GNAI2: variants seen among roughly 807,000 people sequenced by gnomAD.
GNAI2 encodes the protein guanine nucleotide-binding protein G(i) subunit alpha-2.
Under a neutral mutation model 36.8 loss-of-function variants are expected in GNAI2, and 4 were observed. That is an observed-to-expected ratio of 0.11 (90% CI 0.05 to 0.25). GNAI2 has a LOEUF of 0.25. GNAI2 is among the 10% of genes least tolerant of loss of function. GNAI2 has a pLI of 1.00. For synonymous variants in GNAI2, 194 were observed against 194.1 expected (o/e 1.00, Z 0.01); for missense variants, 230 against 481.3 (o/e 0.48, Z 4.89).
upstream of GNAI2, chr3:50,227,197 A>T: frequency 6.3e-6 from 9 of 1,421,886 alleles, no homozygotes; most frequent in Non-Finnish European, 8.3e-6. The surrounding 1 kb of genome is among the most constrained non-coding windows in gnomAD (Gnocchi z 5.9). Context: ...TCTGAGGGTA[A>T]GCCGATGGCG....
rs1269366926 is a variant in GNAI2, at chr3:50,230,777, C to T, written c.-260C>T. The T allele has an allele frequency of 4.1e-6, 4 of 983,332 alleles. No homozygotes were observed. In the African/African-American group the frequency reaches 5.2e-5, roughly 13 times the overall value. 60.9% of individuals were successfully genotyped at this position (983,332 alleles called of 1,614,324 possible). A position where few individuals can be genotyped will look rare whatever the true frequency, so the allele number is the denominator to read the frequency against. ...ATTGTCCTTTATGGTCTAGTCCAAG[C>T]GGTGCTGGGCCTGGTGGGCATGGGG... is the stretch of plus-strand genomic sequence containing the variant. On this transcript the variant is annotated 5_prime_UTR_variant, in exon 1 of 9. Transcript: ENST00000266027.
In GNAI2 at chr3:50,252,515, G is replaced by A. The variant is rs183955200; in HGVS notation, c.280G>A (p.Asp94Asn). The change falls in exon 3 of 9, where the codon GAC (aspartate) becomes AAC (asparagine). Residue 94 changes from aspartate (D) to asparagine (N), a missense_variant. By Grantham distance (23) the Asp-to-Asn change is conservative. Transcript: ENST00000313601. The surrounding 1 kb of genome is among the most constrained non-coding windows in gnomAD (Gnocchi z 4.1). ...CAAAGCCATGGGCAACCTGCAGATC[G>A]ACTTTGCCGACCCCTCCAGAGCGGT... ...IVKAMGNLQIDFADPSRADDA... is the reference protein window; with the variant it reads ...IVKAMGNLQINFADPSRADDA... 359 of 1,613,460 alleles carry A rather than the reference G, an allele frequency of 2.2e-4. No individual in the cohort carries two copies. Among genetic ancestry groups the A allele is most frequent in the Middle Eastern group, 3.3e-4 (2 of 6,056 alleles).
rs1559777396 is a variant in GNAI2, at chr3:50,256,860, G to T, written c.723+8G>T. The T allele has an allele frequency of 6.2e-7, 1 of 1,614,124 alleles. No homozygotes were observed. The highest frequency in any genetic ancestry group is 1.3e-5 in the African/African-American group (1 of 75,042). On this transcript the variant is annotated splice_region_variant and intron_variant, in intron 6 of 8. Coordinates refer to ENST00000313601, the MANE Select transcript of GNAI2 (RefSeq NM_002070.4). Reference sequence around the variant, plus strand: ...GCTGAGGACGAGGAGATGGTGAGAGGATGAGAGAATGCTGCGGGTGGGGGC... The same window carrying T: ...GCTGAGGACGAGGAGATGGTGAGAGTATGAGAGAATGCTGCGGGTGGGGGC...
At chr3:50,250,054 G>T (rs1463727384) in intron 1 of GNAI2, among the ~76,000 whole-genome samples, 4 of 152,192 alleles carry the variant, frequency 2.6e-5, no homozygotes, top group Non-Finnish European at 5.9e-5. Flanking sequence ...CGGTGGGCAA[G>T]TGTGCTCCCT....
chr3:50,248,666 C>CA, intron 1 of GNAI2, among the ~76,000 whole-genome samples: 1 of 152,274 alleles, frequency 6.6e-6, no homozygotes, highest in African/African-American at 2.4e-5. Context: ...GCTGGAAAGA[C>CA]AAAGAGACCA....
chr3:50,227,353 C>A, upstream of GNAI2: 1 of 408,992 alleles, frequency 2.4e-6, no homozygotes. The surrounding 1 kb of genome is among the most constrained non-coding windows in gnomAD (Gnocchi z 5.9). Flanking sequence ...GGCAGGTCGG[C>A]GGAGGCGGGG....
intron 1 of GNAI2, chr3:50,251,386 C>G (rs1559772937): frequency 9.9e-7 from 1 of 1,012,612 alleles, no homozygotes. Flanking sequence ...CAGGGCTGTA[C>G]CAGGCCAGGG....
At chr3:50,229,840 G>A (rs1274917792), upstream of GNAI2, 1 of 152,356 alleles carries the variant, frequency 6.6e-6, no homozygotes, top group African/African-American at 2.4e-5. Flanking sequence ...TGTTTGTTTG[G>A]TGTGTGTTCC....
At chr3:50,246,871 A>C in intron 1 of GNAI2, 1 of 1,429,364 alleles carries the variant, frequency 7.0e-7, no homozygotes, top group Non-Finnish European at 9.1e-7. Context: ...GTGACGACAC[A>C]GCGGAAAGCC....
intron 4 of GNAI2, among the ~76,000 whole-genome samples, chr3:50,254,754 T>C (rs782576951): frequency 1.3e-5 from 2 of 152,236 alleles, no homozygotes; most frequent in Non-Finnish European, 2.9e-5. Context: ...TCTTTCTCTA[T>C]TCTCCAGACA....
rs1394161950 is a variant in GNAI2 at position 50,253,540 on chromosome 3, C to G, written c.464+356C>G. ...CAGGCGGGTCGTGAGATCAGGAGAT[C>G]GAGACCATCCTGGCTAACACGGTGA... On this transcript the variant is annotated intron_variant, in intron 4 of 8. Transcript: ENST00000313601. This position sits in a 1 kb window ranked among gnomAD's most constrained non-coding sequence, Gnocchi z 4.2. Among the ~76,000 whole-genome samples the G allele has an allele frequency of 4.6e-5, 7 of 152,080 alleles. No homozygotes were observed. Among genetic ancestry groups the G allele is most frequent in the East Asian group, 1.9e-4 (1 of 5,172 alleles).
upstream of GNAI2, among the ~76,000 whole-genome samples, chr3:50,232,588 A>C (rs1324520034): frequency 2.6e-5 from 4 of 152,242 alleles, no homozygotes; most frequent in African/African-American, 9.6e-5. Context: ...GCCAGCCTAC[A>C]GCCTCCAACT....
Position 50,253,605 on chromosome 3 carries a change from G to T in GNAI2, c.464+421G>T, listed in dbSNP as rs190695686. ...TAAAAATACAAAAAATTAGCCGGGC[G>T]TGGTGGAGGGCGCCTGTAGTCCCAG... On this transcript the variant is annotated intron_variant, in intron 4 of 8. Coordinates refer to ENST00000313601, the MANE Select transcript of GNAI2 (RefSeq NM_002070.4). This position sits in a 1 kb window ranked among gnomAD's most constrained non-coding sequence, Gnocchi z 4.2. Among the ~76,000 whole-genome samples, 1 of 152,168 alleles carries T rather than the reference G, an allele frequency of 6.6e-6. No individual in the cohort carries two copies. Among genetic ancestry groups the T allele is most frequent in the Non-Finnish European group, 1.5e-5 (1 of 68,018 alleles).
chr3:50,250,563 A>G (rs1032739857), intron 1 of GNAI2, among the ~76,000 whole-genome samples: 4 of 152,196 alleles, frequency 2.6e-5, no homozygotes, highest in African/African-American at 4.8e-5. Flanking sequence ...GTGATGGAGC[A>G]GGAGCACAGG....
chr3:50,247,212 C>G, intron 1 of GNAI2: 1 of 623,124 alleles, frequency 1.6e-6, no homozygotes, highest in South Asian at 1.9e-5. Context: ...ACAGCGTTGT[C>G]CCATTTCACA....
chr3:50,243,260 GGT>G (rs1700336361), intron 1 of GNAI2, among the ~76,000 whole-genome samples: 1 of 152,256 alleles, frequency 6.6e-6, no homozygotes, highest in African/African-American at 2.4e-5. Flanking sequence ...CAGAGAAGGT[GGT>G]GCCTTCGAGA....
In GNAI2 at chr3:50,251,554, T is replaced by C; in HGVS notation, c.119-546T>C. ...CTGCTCAGGGCAGACCTGAGCGCAGTGAGCAGAGGGCGGGGCATTGGGCCA... is the reference window on the plus strand; with the variant it reads ...CTGCTCAGGGCAGACCTGAGCGCAGCGAGCAGAGGGCGGGGCATTGGGCCA... On this transcript the variant is annotated intron_variant, in intron 1 of 8. Transcript: ENST00000313601. 3 of 1,183,480 alleles carry C rather than the reference T, an allele frequency of 2.5e-6. No homozygotes were observed. In the South Asian group the frequency reaches 4.7e-5, roughly 18 times the overall value. 73.3% of individuals were successfully genotyped at this position (1,183,480 alleles called of 1,614,324 possible). A position where few individuals can be genotyped will look rare whatever the true frequency, so the allele number is the denominator to read the frequency against.
chr3:50,245,063 A>G (rs1464807627), intron 1 of GNAI2, among the ~76,000 whole-genome samples: 4 of 151,550 alleles, frequency 2.6e-5, no homozygotes, highest in African/African-American at 9.7e-5. Context: ...CAGTGATGCA[A>G]TCTCGGCTCA....
At chr3:50,227,416 G>A (rs1188757516), upstream of GNAI2, 3 of 368,808 alleles carry the variant, frequency 8.1e-6, no homozygotes, top group Non-Finnish European at 9.7e-6. The surrounding 1 kb of genome is among the most constrained non-coding windows in gnomAD (Gnocchi z 5.9). Context: ...GGGGGCCACC[G>A]TGAGTGGGGG....
Sources: allele counts gnomAD v4.1 joint callset (sites outside exome capture counted in the v4.1 genomes callset), GRCh38; gene constraint gnomAD v4.1.1; non-coding constraint Gnocchi (gnomAD v3.1); transcripts MANE v1.5; gene names NCBI Gene and HGNC (gene_info 2026-07-23, HGNC 2026-07-21).